Variants in TMEM62 observed in about 807,000 individuals in gnomAD.
TMEM62 encodes transmembrane protein 62.
In TMEM62, 41 loss-of-function variants were observed where a neutral mutation model predicts 70.4. The observed-to-expected ratio is 0.58, with a 90% CI of 0.45 to 0.76. The LOEUF (loss-of-function observed/expected upper bound fraction) is 0.76, where lower values mean the gene tolerates loss of function less well. Ranked by LOEUF, TMEM62 falls within the 30% of genes least tolerant of loss-of-function variation. The pLI, the probability that TMEM62 is intolerant of heterozygous loss-of-function variation, is 0.00. For missense variants in TMEM62, 688 were observed against 788.5 expected, an observed-to-expected ratio of 0.87 and a Z score of 1.53; for synonymous variants, 268 against 291.0, an observed-to-expected ratio of 0.92 and a Z score of 0.80.
At chr15:43,169,821 TG>T (rs2039998226) in intron 11 of TMEM62, 144 bp downstream of exon 11, 2 of 642,916 alleles carry the variant, frequency 3.1e-6, no homozygotes, top group African/African-American at 1.8e-5. Flanking sequence ...CTTGAGTAAA[TG>T]GTCCTGAGGC....
rs2036982163 is a variant in TMEM62 at position 43,148,736 on chromosome 15, C to A, written c.619-19C>A. 1 of 1,608,620 alleles carries A rather than the reference C, an allele frequency of 6.2e-7. No homozygotes were observed. Among genetic ancestry groups the A allele is most frequent in the Non-Finnish European group, 8.5e-7 (1 of 1,178,616 alleles). On this transcript the variant is annotated intron_variant, in intron 5 of 13. Coordinates refer to ENST00000260403, the MANE Select transcript of TMEM62 (RefSeq NM_024956.4). The stretch of plus-strand genomic sequence containing the variant: ...CCTGAGCCCTAATTTAAGATCCTTC[C>A]ATTTTTCTCCCATCTCAGAAAAAGA...
intron 11 of TMEM62, among the ~76,000 whole-genome samples, chr15:43,171,634 T>TG (rs1441138847): frequency 4.4e-4 from 63 of 143,008 alleles, no homozygotes; most frequent in Admixed American, 7.1e-4. Flanking sequence ...TTTTTTTTTT[T>TG]TGTGTGTGTG....
chr15:43,144,661 GA>G (rs1041914898), intron 4 of TMEM62, among the ~76,000 whole-genome samples: 1 of 152,160 alleles, frequency 6.6e-6, no homozygotes, highest in Non-Finnish European at 1.5e-5. Context: ...CTGGTTAACT[GA>G]GTTTGTATGA....
At chr15:43,151,757 G>T in intron 7 of TMEM62, 33 bp from the exon 8 acceptor site, 1 of 1,601,966 alleles carries the variant, frequency 6.2e-7, no homozygotes, top group South Asian at 1.1e-5. Flanking sequence ...AATGTGAAGT[G>T]ACTAAATTAC....
rs1482244518 is a variant in TMEM62 at position 43,184,389 on chromosome 15, A to T, written c.1735A>T (p.Met579Leu). 1 of 1,614,100 alleles carries T rather than the reference A, an allele frequency of 6.2e-7. No homozygotes were observed. Among genetic ancestry groups the T allele is most frequent in the Non-Finnish European group, 8.5e-7 (1 of 1,180,040 alleles). ...YLKIMPVHLLMLLLYIWQVYS... is the reference protein window; with the variant it reads ...YLKIMPVHLLLLLLYIWQVYS... ...GAAAATTATGCCTGTTCACCTACTT[A>T]TGCTACTGCTGTACATCTGGCAGGT... Residue 579 changes from methionine to leucine, a missense_variant, in exon 14 of 14, where the codon ATG (methionine) becomes TTG (leucine). Transcript: ENST00000260403.
chr15:43,160,598 G>A (rs1329800548), intron 9 of TMEM62, 83 bp from the exon 10 acceptor site: 2 of 699,790 alleles, frequency 2.9e-6, no homozygotes, highest in African/African-American at 3.7e-5. Flanking sequence ...GTAGTTATTA[G>A]AAACCTATTC....
intron 13 of TMEM62, among the ~76,000 whole-genome samples, chr15:43,182,873 T>C (rs1029954767): frequency 6.6e-6 from 1 of 152,234 alleles, no homozygotes; most frequent in Non-Finnish European, 1.5e-5. Flanking sequence ...TACATTCATA[T>C]TCTAATAAAT....
At position 43,174,587 on chromosome 15, in the gene TMEM62, A is replaced by T. The variant is rs557246513; in HGVS notation, c.1382-4020A>T. ...ATTTTAACCTACATTGTTTCACTTA[A>T]TCCTTAAAACAATCATGTGAGGTAG... is the stretch of plus-strand genomic sequence containing the variant. On this transcript the variant is annotated intron_variant, in intron 11 of 13. Coordinates refer to ENST00000260403, the MANE Select transcript of TMEM62 (RefSeq NM_024956.4). 5.9e-5 allele frequency among the ~76,000 whole-genome samples: 9 copies of T among 152,294 alleles called. No individual in the cohort carries two copies. In the South Asian group the frequency reaches 1.9e-3, roughly 32 times the overall value.
At chr15:43,177,490 C>A (rs1299995797) in intron 11 of TMEM62, among the ~76,000 whole-genome samples, 1 of 152,052 alleles carries the variant, frequency 6.6e-6, no homozygotes, top group Non-Finnish European at 1.5e-5. Context: ...ACCCAGCCAT[C>A]CCATTACTGG....
intron 12 of TMEM62, chr15:43,179,877 T>G (rs1365270573): frequency 6.6e-6 from 1 of 152,164 alleles, no homozygotes; most frequent in Admixed American, 6.5e-5. Flanking sequence ...TCAAGATAGG[T>G]TGAAGCTGTT....
chr15:43,183,287 C>T (rs117208092), intron 13 of TMEM62, among the ~76,000 whole-genome samples: 70 of 152,344 alleles, frequency 4.6e-4, no homozygotes, highest in Middle Eastern at 6.8e-3. Context: ...GGGTCTTCTC[C>T]CTGATATTCT....
chr15:43,134,187 G>T (rs1240483439), intron 1 of TMEM62, 70 bp from the exon 2 acceptor site: 1 of 1,544,994 alleles, frequency 6.5e-7, no homozygotes, highest in African/African-American at 1.4e-5. Context: ...CGAGAGAGCC[G>T]CTGAGCCGCC....
chr15:43,133,568 T>C (rs995147066), upstream of TMEM62: 1 of 367,274 alleles, frequency 2.7e-6, no homozygotes, highest in Non-Finnish European at 4.8e-6. Context: ...GTATTACTTA[T>C]GCAAAACGAG....
chr15:43,157,480 C>A (rs1246965976), intron 9 of TMEM62, among the ~76,000 whole-genome samples: 1 of 152,080 alleles, frequency 6.6e-6, no homozygotes, highest in Non-Finnish European at 1.5e-5. Context: ...AATATAAGCA[C>A]ATTTTGAGCA....
intron 11 of TMEM62, 25 bp from the exon 12 acceptor site, chr15:43,178,582 G>T: frequency 6.8e-7 from 1 of 1,472,834 alleles, no homozygotes; most frequent in Non-Finnish European, 9.5e-7. Flanking sequence ...GTGTTCACTG[G>T]GTTTTTCAAC....
At chr15:43,182,548 A>G (rs1177811857) in intron 13 of TMEM62, among the ~76,000 whole-genome samples, 1 of 149,232 alleles carries the variant, frequency 6.7e-6, no homozygotes, top group East Asian at 2.0e-4. Flanking sequence ...CTGCCTCCCT[A>G]ATTCAAGTGA....
At chr15:43,133,471 T>C, upstream of TMEM62, 1 of 243,432 alleles carries the variant, frequency 4.1e-6, no homozygotes. Context: ...AGCCCCCGCC[T>C]CCCGGCCACT....
At chr15:43,175,224 A>T (rs1306741529) in intron 11 of TMEM62, among the ~76,000 whole-genome samples, 1 of 152,232 alleles carries the variant, frequency 6.6e-6, no homozygotes, top group Non-Finnish European at 1.5e-5. Flanking sequence ...TACAGACTAG[A>T]ACAAAAAAGA....
intron 9 of TMEM62, among the ~76,000 whole-genome samples, chr15:43,159,202 G>A (rs1275255263): frequency 6.6e-6 from 1 of 152,166 alleles, no homozygotes; most frequent in Non-Finnish European, 1.5e-5. Context: ...ATGGAAAATG[G>A]AGTATCCACC....
Sources: gnomAD v4.1 joint callset for allele counts (sites outside exome capture counted in the v4.1 genomes callset) on GRCh38, gnomAD v4.1.1 for gene constraint, MANE v1.5 for transcripts, NCBI Gene and HGNC (gene_info 2026-07-23, HGNC 2026-07-21) for gene names.